Variants in PDE4D observed in about 807,000 individuals in gnomAD.
The protein encoded by PDE4D is 3',5'-cyclic-AMP phosphodiesterase 4D.
In PDE4D, 24 loss-of-function variants were observed where a neutral mutation model predicts 87.4. That is an observed-to-expected ratio of 0.27 (90% confidence interval 0.20 to 0.39). PDE4D has a LOEUF of 0.39. Among genes scored for constraint, PDE4D ranks in the 10% least tolerant of loss-of-function variants. The probability of loss-of-function intolerance (pLI) is 1.00; values close to 1 mark genes in which losing one functional copy is unlikely to be tolerated. For synonymous variants in PDE4D, 384 were observed against 383.2 expected, an observed-to-expected ratio of 1.00 and a Z score of -0.02; for missense variants, 714 against 1,041.0, an observed-to-expected ratio of 0.69 and a Z score of 4.32.
intron 1 of PDE4D, among the ~76,000 whole-genome samples, chr5:60,461,745 C>T (rs977193271): frequency 6.6e-6 from 1 of 152,192 alleles, no homozygotes; most frequent in Non-Finnish European, 1.5e-5. Flanking sequence ...GAGGTGCCTT[C>T]CCTTTGGTTG....
At chr5:60,217,195 TTAGAG>T (rs1271372251) in intron 1 of PDE4D, among the ~76,000 whole-genome samples, 1 of 151,986 alleles carries the variant, frequency 6.6e-6, no homozygotes, top group Non-Finnish European at 1.5e-5. Context: ...TATTACATAC[TTAGAG>T]TAGTCAAAAT....
At chr5:60,261,730 C>T (rs1220934956) in intron 1 of PDE4D, among the ~76,000 whole-genome samples, 3 of 152,108 alleles carry the variant, frequency 2.0e-5, no homozygotes, top group South Asian at 2.1e-4. Context: ...GGGCTTAAGT[C>T]CTCCTGTAAG....
At chr5:59,383,819 T>C (rs1472488816) in intron 1 of PDE4D, among the ~76,000 whole-genome samples, 1 of 152,200 alleles carries the variant, frequency 6.6e-6, no homozygotes, top group Non-Finnish European at 1.5e-5. Flanking sequence ...AATATTTACA[T>C]GCTGATTATC....
At chr5:60,493,740 T>C (rs1749661300) in intron 1 of PDE4D, among the ~76,000 whole-genome samples, 1 of 152,170 alleles carries the variant, frequency 6.6e-6, no homozygotes, top group East Asian at 1.9e-4. Context: ...AGAGCCATGT[T>C]TCTGCAAATG....
rs938165585 is a variant in PDE4D, at chr5:59,233,490, G to A, written c.456-17522C>T. Among the ~76,000 whole-genome samples, 14 of 152,250 alleles carry A rather than the reference G, an allele frequency of 9.2e-5. 1 individual carries two copies. Among genetic ancestry groups the A allele is most frequent in the Admixed American group, 7.2e-4 (11 of 15,290 alleles). ...TAGAACCACTCTTCACTGTTGCCTAGCTCATTTGCAGTGGGATCAGGATGA... is the reference window on the plus strand; with the variant it reads ...TAGAACCACTCTTCACTGTTGCCTAACTCATTTGCAGTGGGATCAGGATGA... On this transcript the variant is annotated intron_variant, in intron 1 of 14. Transcript: ENST00000340635.
chr5:59,548,768 C>T (rs1421190289), intron 1 of PDE4D, among the ~76,000 whole-genome samples: 1 of 152,072 alleles, frequency 6.6e-6, no homozygotes, highest in East Asian at 1.9e-4. Context: ...AGTATGGGTC[C>T]TACAACAGAG....
At chr5:59,904,348 C>T (rs1752599703) in intron 3 of PDE4D, among the ~76,000 whole-genome samples, 1 of 152,132 alleles carries the variant, frequency 6.6e-6, no homozygotes, top group Non-Finnish European at 1.5e-5. Context: ...ACCAGGACCC[C>T]AAACTAGAAA....
chr5:59,140,212 G>T (rs187630810), intron 5 of PDE4D, among the ~76,000 whole-genome samples: 3 of 152,364 alleles, frequency 2.0e-5, no homozygotes, highest in Admixed American at 1.3e-4. Flanking sequence ...GCTGGGAGCA[G>T]ATTAAGTAGT....
intron 1 of PDE4D, among the ~76,000 whole-genome samples, chr5:59,599,936 C>G (rs569566097): frequency 1.3e-5 from 2 of 152,358 alleles, no homozygotes; most frequent in East Asian, 3.9e-4. Flanking sequence ...TGTTGGAGAC[C>G]TGGCAGATGT....
At chr5:59,183,578 C>T (rs988244707) in intron 4 of PDE4D, among the ~76,000 whole-genome samples, 1 of 152,114 alleles carries the variant, frequency 6.6e-6, no homozygotes, top group Non-Finnish European at 1.5e-5. Context: ...AAATTCGAGA[C>T]TAAAAAGTTT....
chr5:59,773,034 A>G (rs1196965926), intron 1 of PDE4D, among the ~76,000 whole-genome samples: 1 of 152,194 alleles, frequency 6.6e-6, no homozygotes, highest in Non-Finnish European at 1.5e-5. Context: ...TCCCCATGAT[A>G]TAAGTGTTTA....
intron 1 of PDE4D, among the ~76,000 whole-genome samples, chr5:59,745,314 A>G (rs1759446405): frequency 6.6e-6 from 1 of 151,988 alleles, no homozygotes; most frequent in African/African-American, 2.4e-5. Context: ...TCTATGCTCC[A>G]TGGAGCCTTC....
At chr5:59,732,713 T>C (rs959294676) in intron 1 of PDE4D, among the ~76,000 whole-genome samples, 1 of 152,134 alleles carries the variant, frequency 6.6e-6, no homozygotes, top group African/African-American at 2.4e-5. Context: ...TCTTGCCTTC[T>C]GAAAAAGATG....
intron 1 of PDE4D, among the ~76,000 whole-genome samples, chr5:60,213,046 T>C (rs767022176): frequency 2.0e-5 from 3 of 152,224 alleles, no homozygotes; most frequent in Non-Finnish European, 4.4e-5. Flanking sequence ...TCCTTATCCA[T>C]GTCATCCATC....
intron 1 of PDE4D, among the ~76,000 whole-genome samples, chr5:59,542,125 A>G (rs1208533950): frequency 6.6e-6 from 1 of 152,124 alleles, no homozygotes; most frequent in African/African-American, 2.4e-5. Flanking sequence ...CCAGCCTCTA[A>G]GGTCAAGCTA....
chr5:60,440,639 T>G (rs1054143381), intron 1 of PDE4D, among the ~76,000 whole-genome samples: 2 of 152,066 alleles, frequency 1.3e-5, no homozygotes, highest in Admixed American at 6.6e-5. Flanking sequence ...GAAATGCATA[T>G]ATATTGAAAA....
chr5:59,930,163 CA>C (rs35465849), intron 3 of PDE4D, among the ~76,000 whole-genome samples: 994 of 82,624 alleles, frequency 0.012, 1 homozygote, highest in East Asian at 0.042. Flanking sequence ...ACTCCGTCTC[CA>C]AAAAAAAAAA....
At chr5:60,046,303 C>T (rs1234626026) in intron 2 of PDE4D, among the ~76,000 whole-genome samples, 1 of 151,574 alleles carries the variant, frequency 6.6e-6, no homozygotes, top group Non-Finnish European at 1.5e-5. Flanking sequence ...ACAATCATGT[C>T]GTCTGCAAAC....
At chr5:59,053,649 T>TTG in intron 5 of PDE4D, among the ~76,000 whole-genome samples, 1 of 73,542 alleles carries the variant, frequency 1.4e-5, no homozygotes, top group Admixed American at 1.3e-4. Flanking sequence ...TTTTTTGTTT[T>TTG]TTTTTGTTGT....
Sources: allele counts gnomAD v4.1 joint callset (sites outside exome capture counted in the v4.1 genomes callset), GRCh38; gene constraint gnomAD v4.1.1; transcripts MANE v1.5; gene names NCBI Gene and HGNC (gene_info 2026-07-23, HGNC 2026-07-21).